Variants in ZNF845 observed in about 807,000 individuals in gnomAD.
ZNF845 encodes the protein zinc finger protein 845.
In ZNF845, 59 loss-of-function variants were observed where a neutral mutation model predicts 76.1. That is an observed-to-expected ratio of 0.78 (90% confidence interval 0.63 to 0.96). The LOEUF (loss-of-function observed/expected upper bound fraction) is 0.96. ZNF845 is among the 40% of genes least tolerant of loss of function. The pLI, the probability that ZNF845 is intolerant of heterozygous loss-of-function variation, is 0.00. For missense variants in ZNF845, 1,045 were observed against 1,172.8 expected, an observed-to-expected ratio of 0.89 and a Z score of 1.59; for synonymous variants, 361 against 386.9, an observed-to-expected ratio of 0.93 and a Z score of 0.78.
Position 53,351,687 on chromosome 19 carries a change from C to CA in ZNF845, c.1015dup (p.Thr339AsnfsTer9), listed in dbSNP as rs1381436799. The CA allele has an allele frequency of 2.5e-6, 4 of 1,613,936 alleles. No individual in the cohort carries two copies. The highest frequency in any genetic ancestry group is 2.5e-6 in the Non-Finnish European group (3 of 1,179,938). ...TAATGAATGTGGCAAGACCTTCAGT[C>CA]AAACGTCATACCTTGTGTACCATCG... On this transcript the variant is annotated frameshift_variant, in exon 4 of 4. Coordinates refer to ENST00000458035, the MANE Select transcript of ZNF845 (RefSeq NM_138374.3). LOFTEE classifies it high-confidence loss of function.
Position 53,353,723 on chromosome 19 carries a change from C to T in ZNF845, c.*135C>T. The T allele has an allele frequency of 6.6e-7, 1 of 1,524,568 alleles. No individual in the cohort carries two copies. The highest frequency in any genetic ancestry group is 8.8e-7 in the Non-Finnish European group (1 of 1,140,098). 94.4% of individuals were successfully genotyped at this position (1,524,568 alleles called of 1,614,324 possible). A position where few individuals can be genotyped will look rare whatever the true frequency, so the allele number is the denominator to read the frequency against. On this transcript the variant is annotated 3_prime_UTR_variant, in exon 4 of 4. Coordinates refer to ENST00000458035, the MANE Select transcript of ZNF845 (RefSeq NM_138374.3). ...TGGGCGTGATTCACACCTGGCCCAA[C>T]AAACTAGAAGTCACACTGGAGAGAA...
At position 53,351,471 on chromosome 19, in the gene ZNF845, A is replaced by C; in HGVS notation, c.796A>C (p.Thr266Pro). ...TCTTGCATGTCATCGTAGATGTCAC[A>C]CTGGCAAGAAACCTTACAAGTGTAA... ...RYLACHRRCH[T>P]GKKPYKCNDC... Residue 266 changes from threonine (T) to proline (P), a missense_variant, in exon 4 of 4, where the codon ACT becomes CCT. Coordinates refer to ENST00000458035, the MANE Select transcript of ZNF845 (RefSeq NM_138374.3). The C allele has an allele frequency of 6.2e-7, 1 of 1,614,242 alleles. No homozygotes were observed. Among genetic ancestry groups the C allele is most frequent in the Middle Eastern group, 1.6e-4 (1 of 6,062 alleles).
chr19:53,336,529 C>T (rs2085214751), intron 1 of ZNF845, among the ~76,000 whole-genome samples: 1 of 151,914 alleles, frequency 6.6e-6, no homozygotes, highest in African/African-American at 2.4e-5. Context: ...AACACCACCA[C>T]CAAAAAATGA....
At chr19:53,337,327 C>T (rs1234354590) in intron 1 of ZNF845, among the ~76,000 whole-genome samples, 3 of 151,436 alleles carry the variant, frequency 2.0e-5, no homozygotes, top group South Asian at 2.1e-4. Context: ...GTCTCTATCA[C>T]GTTACTCAGA....
Position 53,354,419 on chromosome 19 carries a change from C to T in ZNF845, c.*831C>T. 4.1e-6 allele frequency: 1 copy of T among 246,872 alleles called. No homozygotes were observed. 15.3% of individuals were successfully genotyped at this position (246,872 alleles called of 1,614,324 possible). A position where few individuals can be genotyped will look rare whatever the true frequency, so the allele number is the denominator to read the frequency against. ...GGCGGGGTGGCTCACGCCTGTAATC[C>T]CAGCACTTTGGGAGGCCAAGACCAA... On this transcript the variant is annotated 3_prime_UTR_variant, in exon 4 of 4. Transcript: ENST00000458035.
chr19:53,350,899 A>G lies in ZNF845; in HGVS notation c.224A>G (p.Gln75Arg). 6.2e-7 allele frequency: 1 copy of G among 1,614,218 alleles called. No homozygotes were observed. Among genetic ancestry groups the G allele is most frequent in the South Asian group, 1.1e-5 (1 of 91,084 alleles). The change falls in exon 4 of 4, where the codon CAA becomes CGA. Residue 75 changes from glutamine to arginine, a missense_variant. Transcript: ENST00000458035. ...GAAGTGATCCACACAGGGACATTGC[A>G]AAGACATGAACGTCATCACATTGGA... ...NTEVIHTGTL[Q>R]RHERHHIGDF...
chr19:53,344,461 C>T (rs972272361), intron 2 of ZNF845, among the ~76,000 whole-genome samples: 2 of 152,002 alleles, frequency 1.3e-5, no homozygotes, highest in Non-Finnish European at 2.9e-5. Context: ...TCACTTGATC[C>T]TGGGAGGTGG....
chr19:53,334,731 C>CG (rs1260617635), intron 1 of ZNF845, among the ~76,000 whole-genome samples: 1 of 131,094 alleles, frequency 7.6e-6, no homozygotes, highest in Non-Finnish European at 1.6e-5. Context: ...TGAGACCCCC[C>CG]CCCCCATCTC....
intron 3 of ZNF845, among the ~76,000 whole-genome samples, chr19:53,348,588 T>C (rs957832999): frequency 2.6e-5 from 4 of 152,212 alleles, no homozygotes; most frequent in Non-Finnish European, 5.9e-5. Flanking sequence ...ACTTTGAACC[T>C]GGCTTTTGGC....
intron 1 of ZNF845, among the ~76,000 whole-genome samples, chr19:53,338,722 G>T (rs11672231): frequency 4.6e-5 from 6 of 129,390 alleles, no homozygotes; most frequent in Non-Finnish European, 8.2e-5. Context: ...ACACACACAC[G>T]CACACACACA....
In ZNF845 at chr19:53,352,976, A is replaced by G. The variant is rs1429301637; in HGVS notation, c.2301A>G (p.Arg767=). 1 of 1,613,948 alleles carries G rather than the reference A, an allele frequency of 6.2e-7. No homozygotes were observed. Among genetic ancestry groups the G allele is most frequent in the Non-Finnish European group, 8.5e-7 (1 of 1,179,962 alleles). Residue 767 remains arginine, a synonymous_variant, in exon 4 of 4, where the codon AGA becomes AGG. Transcript: ENST00000458035. The part of the protein sequence containing the change: ...SRKSSLEKHR[R]IHTGEKPYKC... ...AATCAAGCCTTGAAAAACACAGGAG[A>G]ATTCATACTGGAGAGAAACCATACA... is the stretch of plus-strand genomic sequence containing the variant.
At position 53,352,702 on chromosome 19, in the gene ZNF845, C is replaced by G; in HGVS notation, c.2027C>G (p.Ser676Ter). 1 of 1,614,000 alleles carries G rather than the reference C, an allele frequency of 6.2e-7. No individual in the cohort carries two copies. The highest frequency in any genetic ancestry group is 2.2e-5 in the East Asian group (1 of 44,866). Residue 676 changes from serine (S) to a stop codon, truncating the protein, a stop_gained, in exon 4 of 4, where the codon TCA (serine) becomes TGA (stop). Coordinates refer to ENST00000458035, the MANE Select transcript of ZNF845 (RefSeq NM_138374.3). LOFTEE classifies it high-confidence loss of function. ...TGTGGCAAGACCTTTAGTCGGAAGT[C>G]ATACCTTACATGCCATCGTAGACTT... is the stretch of plus-strand genomic sequence containing the variant. Reference protein sequence around the residue: ...NECGKTFSRKSYLTCHRRLHT... With the variant: ...NECGKTFSRK
chr19:53,347,449 T>G (rs74178318), intron 3 of ZNF845, among the ~76,000 whole-genome samples: 123,726 of 148,238 alleles, frequency 0.83, 51,824 homozygotes, highest in Non-Finnish European at 0.88. Context: ...GCTGTTTTTT[T>G]TTTTTTTTTT....
Position 53,352,527 on chromosome 19 carries a change from C to T in ZNF845, c.1852C>T (p.His618Tyr). 3 of 1,606,956 alleles carry T rather than the reference C, an allele frequency of 1.9e-6. No individual in the cohort carries two copies. The highest frequency in any genetic ancestry group is 2.6e-6 in the Non-Finnish European group (3 of 1,176,364). The change falls in exon 4 of 4, where the codon CAT (histidine) becomes TAT (tyrosine). Residue 618 changes from histidine to tyrosine, a missense_variant. Physicochemically the swap from His to Tyr is moderately conservative, Grantham distance 83. Coordinates refer to ENST00000458035, the MANE Select transcript of ZNF845 (RefSeq NM_138374.3). Reference protein sequence around the residue: ...KCNRCGKFFRHRSYLAVHWRT... With the variant: ...KCNRCGKFFRYRSYLAVHWRT... Reference sequence around the variant, plus strand: ...TAATAGATGTGGCAAATTTTTCAGACATCGTTCATACCTTGCAGTTCATTG... The same window carrying T: ...TAATAGATGTGGCAAATTTTTCAGATATCGTTCATACCTTGCAGTTCATTG...
chr19:53,348,478 C>G (rs182477869), intron 3 of ZNF845, among the ~76,000 whole-genome samples: 57 of 152,254 alleles, frequency 3.7e-4, no homozygotes, highest in Non-Finnish European at 5.4e-4. Flanking sequence ...TTTAATATCT[C>G]TTTTTATAAA....
In ZNF845 at chr19:53,350,915, T is replaced by A; in HGVS notation, c.240T>A (p.His80Gln). The A allele has an allele frequency of 6.2e-7, 1 of 1,614,178 alleles. No homozygotes were observed. Among genetic ancestry groups the A allele is most frequent in the Non-Finnish European group, 8.5e-7 (1 of 1,180,028 alleles). Residue 80 changes from histidine to glutamine, a missense_variant, in exon 4 of 4, where the codon CAT becomes CAA. Transcript: ENST00000458035. ...GGACATTGCAAAGACATGAACGTCA[T>A]CACATTGGAGATTTTTGCTTCCAGG... ...HTGTLQRHER[H>Q]HIGDFCFQEM...
rs1240925140 is a variant in ZNF845 at position 53,353,789 on chromosome 19, C to T, written c.*201C>T. Reference sequence around the variant, plus strand: ...TGAGTGTGGCAAAGCCTTTAGTGGGCAGTCAACACTTATTCACCATCAGGC... The same window carrying T: ...TGAGTGTGGCAAAGCCTTTAGTGGGTAGTCAACACTTATTCACCATCAGGC... On this transcript the variant is annotated 3_prime_UTR_variant, in exon 4 of 4. Coordinates refer to ENST00000458035, the MANE Select transcript of ZNF845 (RefSeq NM_138374.3). 6.6e-6 allele frequency: 10 copies of T among 1,508,634 alleles called. No homozygotes were observed. Among genetic ancestry groups the T allele is most frequent in the Middle Eastern group, 1.8e-4 (1 of 5,636 alleles). The allele number at this position is 1,508,634 out of a possible 1,614,324, so 93.5% of individuals were successfully genotyped here. A position where few individuals can be genotyped will look rare whatever the true frequency, so the allele number is the denominator to read the frequency against.
chr19:53,335,422 G>A (rs78648683), intron 1 of ZNF845, among the ~76,000 whole-genome samples: 12 of 151,414 alleles, frequency 7.9e-5, no homozygotes, highest in African/African-American at 2.2e-4. Flanking sequence ...CACCAAGTCC[G>A]GCTAGGTTTT....
chr19:53,334,338 CCT>C (rs1005436875), intron 1 of ZNF845, among the ~76,000 whole-genome samples: 32 of 152,192 alleles, frequency 2.1e-4, no homozygotes, highest in Middle Eastern at 3.4e-3. Flanking sequence ...CCAAAGCCCT[CCT>C]GTGATTGTGT....
Sources: allele counts gnomAD v4.1 joint callset (sites outside exome capture counted in the v4.1 genomes callset), GRCh38; gene constraint gnomAD v4.1.1; transcripts MANE v1.5; gene names NCBI Gene and HGNC (gene_info 2026-07-23, HGNC 2026-07-21).